GABRA3: variants seen among roughly 807,000 people sequenced by gnomAD.
The protein encoded by GABRA3 is gamma-aminobutyric acid type A receptor subunit alpha3.
GABRA3 carries 10 observed loss-of-function variants against 30.1 expected under a neutral mutation model. The ratio of observed to expected loss-of-function variants is 0.33; its 90% CI spans 0.20 to 0.56. The LOEUF is 0.56. GABRA3 is among the 20% of genes least tolerant of loss of function. The probability of loss-of-function intolerance (pLI) is 0.89; values close to 1 mark genes in which losing one functional copy is unlikely to be tolerated. For synonymous variants in GABRA3, 151 were observed against 146.8 expected (o/e 1.03, Z -0.21); for missense variants, 233 against 392.0 (o/e 0.59, Z 3.42).
intron 3 of GABRA3, among the ~76,000 whole-genome samples, chrX:152,343,917 T>C (rs1395321390): frequency 8.9e-6 from 1 of 112,073 alleles, no homozygotes; most frequent in Admixed American, 9.5e-5. Flanking sequence ...TGTAAACTTA[T>C]TGCCATACAT....
chrX:152,425,744 G>A (rs961720043), intron 1 of GABRA3, among the ~76,000 whole-genome samples: 3 of 109,943 alleles, frequency 2.7e-5, no homozygotes, highest in African/African-American at 9.9e-5. Flanking sequence ...TTGTACTCTC[G>A]CACCTGGAGG....
chrX:152,211,227 C>T (rs151222540), intron 6 of GABRA3, among the ~76,000 whole-genome samples: 3,087 of 109,101 alleles, frequency 0.028, 47 homozygotes, highest in Non-Finnish European at 0.041. Flanking sequence ...TGTTTCCACC[C>T]CTAAAAAAGA....
intron 1 of GABRA3, among the ~76,000 whole-genome samples, chrX:152,414,750 T>C (rs1930163370): frequency 9.1e-6 from 1 of 109,890 alleles, no homozygotes; most frequent in Non-Finnish European, 1.9e-5. Flanking sequence ...TTATAGCAGC[T>C]TTGCTCATAA....
intron 2 of GABRA3, among the ~76,000 whole-genome samples, chrX:152,359,730 C>G (rs913404259): frequency 3.6e-5 from 4 of 110,719 alleles, no homozygotes; most frequent in African/African-American, 1.3e-4. Context: ...TAGCCATGTC[C>G]CAGAGATTCT....
intron 2 of GABRA3, among the ~76,000 whole-genome samples, chrX:152,363,470 A>C (rs1928568990): frequency 9.0e-6 from 1 of 111,679 alleles, no homozygotes; most frequent in Non-Finnish European, 1.9e-5. Flanking sequence ...GGCAAAGACT[A>C]ATTGAGGTGA....
At chrX:152,379,188 G>A (rs1603250931) in intron 1 of GABRA3, among the ~76,000 whole-genome samples, 1 of 111,087 alleles carries the variant, frequency 9.0e-6, no homozygotes, top group African/African-American at 3.3e-5. Flanking sequence ...ATCTCACTAG[G>A]TATATTTACA....
intron 3 of GABRA3, among the ~76,000 whole-genome samples, chrX:152,327,807 C>A (rs1446601894): frequency 1.8e-5 from 2 of 111,312 alleles, no homozygotes; most frequent in Non-Finnish European, 3.8e-5. Context: ...GAAGTAAGGG[C>A]AAACACATTC....
At chrX:152,289,660 TC>T (rs1395683343) in intron 3 of GABRA3, among the ~76,000 whole-genome samples, 1 of 110,205 alleles carries the variant, frequency 9.1e-6, no homozygotes, top group Non-Finnish European at 1.9e-5. Context: ...ATGCTATCCC[TC>T]CCCCTGCCCC....
intron 9 of GABRA3, among the ~76,000 whole-genome samples, chrX:152,177,583 C>CA (rs1937090869): frequency 4.8e-5 from 5 of 104,449 alleles, no homozygotes; most frequent in African/African-American, 7.0e-5. Context: ...AAAAAAAATA[C>CA]AAAAAACAAA....
chrX:152,253,530 G>C, intron 5 of GABRA3, among the ~76,000 whole-genome samples: 1 of 111,736 alleles, frequency 8.9e-6, no homozygotes. Context: ...TCATTCTGAA[G>C]TTTTCTATAT....
intron 8 of GABRA3, among the ~76,000 whole-genome samples, chrX:152,190,273 G>A (rs374413299): frequency 9.1e-6 from 1 of 109,600 alleles, no homozygotes; most frequent in East Asian, 2.9e-4. Context: ...AAAAAAACTA[G>A]CTCACGAACT....
intron 3 of GABRA3, among the ~76,000 whole-genome samples, 195 bp downstream of exon 3, chrX:152,345,386 C>T (rs1940375273): frequency 8.9e-6 from 1 of 111,827 alleles, no homozygotes; most frequent in Admixed American, 9.5e-5. Context: ...CTAGAATCTT[C>T]TGAAGCCAGA....
chrX:152,353,686 A>G (rs1161299258), intron 2 of GABRA3, among the ~76,000 whole-genome samples: 1 of 111,713 alleles, frequency 9.0e-6, no homozygotes, highest in African/African-American at 3.2e-5. Context: ...TTACCCCCAC[A>G]CCCACAGCCA....
chrX:152,172,931 T>C (rs1038367524), intron 9 of GABRA3, among the ~76,000 whole-genome samples: 3 of 105,098 alleles, frequency 2.9e-5, no homozygotes, highest in Non-Finnish European at 5.8e-5. Flanking sequence ...ATTAAGGTTA[T>C]ATATATTTAC....
At chrX:152,444,661 T>A (rs938703359) in intron 1 of GABRA3, among the ~76,000 whole-genome samples, 2 of 109,402 alleles carry the variant, frequency 1.8e-5, no homozygotes, top group African/African-American at 6.6e-5. Context: ...GGTTATTTTA[T>A]GCTATGGTCA....
At chrX:152,225,407 C>A (rs1456790688) in intron 5 of GABRA3, among the ~76,000 whole-genome samples, 1 of 70,342 alleles carries the variant, frequency 1.4e-5, no homozygotes, top group African/African-American at 6.1e-5. Flanking sequence ...CACACACGCA[C>A]ACACACACAC....
rs187429716 is a variant in GABRA3, at chrX:152,182,593, A to G, written c.1143+7137T>C. 4.2e-3 allele frequency among the ~76,000 whole-genome samples: 298 copies of G among 71,444 alleles called. 4 individuals carry two copies. The highest frequency in any genetic ancestry group is 0.016 in the African/African-American group (285 of 17,439). 62.0% of individuals were successfully genotyped at this position (71,444 alleles called of 115,157 possible). On this transcript the variant is annotated intron_variant, in intron 9 of 9. Coordinates refer to ENST00000370314, the MANE Select transcript of GABRA3 (RefSeq NM_000808.4). ...ATATATGCATATATAGTGTATATAC[A>G]CACTATATATACTATATATGCATAT...
At chrX:152,348,235 T>C (rs955451193) in intron 2 of GABRA3, among the ~76,000 whole-genome samples, 4 of 110,928 alleles carry the variant, frequency 3.6e-5, no homozygotes, top group Non-Finnish European at 5.7e-5. Context: ...AAAAAAGGAA[T>C]CATGGCATGT....
intron 5 of GABRA3, among the ~76,000 whole-genome samples, chrX:152,226,475 A>G (rs1463056173): frequency 4.5e-5 from 5 of 111,810 alleles, no homozygotes; most frequent in African/African-American, 1.6e-4. Context: ...GGCATGGGCA[A>G]GGACTTCATG....
Sources: gnomAD v4.1 joint callset for allele counts (sites outside exome capture counted in the v4.1 genomes callset) on GRCh38, gnomAD v4.1.1 for gene constraint, MANE v1.5 for transcripts, NCBI Gene and HGNC (gene_info 2026-07-23, HGNC 2026-07-21) for gene names.